Variants in SLC44A3 observed in about 807,000 individuals in gnomAD.
The protein encoded by SLC44A3 is solute carrier family 44 member 3, also known as choline transporter-like protein 3.
SLC44A3 carries 74 observed loss-of-function variants against 75.4 expected under a neutral mutation model. That is an observed-to-expected ratio of 0.98 (90% confidence interval 0.81 to 1.19). SLC44A3 has a LOEUF of 1.19. Among genes scored for constraint, SLC44A3 ranks in the 50% most tolerant of loss-of-function variants. SLC44A3 has a pLI of 0.00. For missense variants in SLC44A3, 700 were observed against 778.6 expected (o/e 0.90, Z 1.20); for synonymous variants, 310 against 296.9 (o/e 1.04, Z -0.45).
intron 10 of SLC44A3, among the ~76,000 whole-genome samples, chr1:94,864,174 T>G (rs148770252): frequency 1.3e-5 from 2 of 152,290 alleles, no homozygotes; most frequent in African/African-American, 4.8e-5. Context: ...CCGTAAATGA[T>G]TCACACTGAA....
chr1:94,837,802 C>T lies in SLC44A3; in HGVS notation c.601C>T (p.Leu201Phe), dbSNP rs1663025372. Residue 201 changes from leucine (L) to phenylalanine (F), a missense_variant, in exon 6 of 15, where the codon CTC becomes TTC. By Grantham distance (22) the Leu-to-Phe change is conservative. Transcript: ENST00000271227. ...TGTTTTGATAAATGATGTTGACACC[C>T]TCCACCGAATTCTAAGTGGAATCAT... ...ASVLINDVDT[L>F]HRILSGIMSG... 1 of 1,613,004 alleles carries T rather than the reference C, an allele frequency of 6.2e-7. No homozygotes were observed.
chr1:94,857,549 T>C (rs755045146), intron 10 of SLC44A3, 49 bp downstream of exon 10: 30 of 1,506,148 alleles, frequency 2.0e-5, no homozygotes, highest in Non-Finnish European at 2.6e-5. Flanking sequence ...GGTTTATCTA[T>C]GTGCTTCATG....
chr1:94,881,853 A>G (rs1046996709), intron 12 of SLC44A3, among the ~76,000 whole-genome samples: 3 of 75,990 alleles, frequency 3.9e-5, no homozygotes, highest in Non-Finnish European at 5.1e-5. Context: ...TCTACTAAAA[A>G]TACAAAAAAA....
intron 14 of SLC44A3, 65 bp from the exon 15 acceptor site, chr1:94,894,753 C>T (rs12030683): frequency 0.13 from 178,328 of 1,353,658 alleles, 12,620 homozygotes; most frequent in African/African-American, 0.23. Context: ...AGTTTTCCCT[C>T]GGCCCCTACG....
intron 12 of SLC44A3, among the ~76,000 whole-genome samples, chr1:94,881,102 C>T (rs1203148076): frequency 6.6e-6 from 1 of 152,098 alleles, no homozygotes; most frequent in Non-Finnish European, 1.5e-5. Flanking sequence ...AAATTATAAA[C>T]GTTTTTCACT....
chr1:94,887,927 G>GT (rs1669772939), intron 12 of SLC44A3, among the ~76,000 whole-genome samples: 1 of 152,206 alleles, frequency 6.6e-6, no homozygotes, highest in Non-Finnish European at 1.5e-5. Flanking sequence ...ACCTCCTCAG[G>GT]TGCTTAAAGA....
Position 94,891,151 on chromosome 1 carries a change from A to G in SLC44A3, c.1504A>G (p.Ile502Val), listed in dbSNP as rs2101680645. Reference sequence around the variant, plus strand: ...TCAGAATGCATATACTACAACTGCTATTAATGGGACAGATTTCTGTACATC... The same window carrying G: ...TCAGAATGCATATACTACAACTGCTGTTAATGGGACAGATTTCTGTACATC... ...LNQNAYTTTA[I>V]NGTDFCTSAK... Residue 502 changes from isoleucine (I) to valine (V), a missense_variant, in exon 13 of 15, where the codon ATT becomes GTT. Physicochemically the swap from Ile to Val is conservative, Grantham distance 29 (BLOSUM62 3). Transcript: ENST00000271227. 1.2e-6 allele frequency: 2 copies of G among 1,610,234 alleles called. No homozygotes were observed. Among genetic ancestry groups the G allele is most frequent in the East Asian group, 2.2e-5 (1 of 44,750 alleles).
At chr1:94,894,522 A>G (rs1670564865) in intron 14 of SLC44A3, among the ~76,000 whole-genome samples, 1 of 152,184 alleles carries the variant, frequency 6.6e-6, no homozygotes, top group Non-Finnish European at 1.5e-5. Context: ...GTTCCCAGCC[A>G]CTAAGTGTTC....
At chr1:94,873,588 C>T (rs571853962) in intron 12 of SLC44A3, among the ~76,000 whole-genome samples, 3 of 152,134 alleles carry the variant, frequency 2.0e-5, no homozygotes, top group South Asian at 2.1e-4. Flanking sequence ...TAAGCCTTTG[C>T]GGCAGACTCA....
intron 8 of SLC44A3, among the ~76,000 whole-genome samples, 160 bp downstream of exon 8, chr1:94,842,284 C>T (rs1433711450): frequency 6.6e-6 from 1 of 152,178 alleles, no homozygotes; most frequent in East Asian, 1.9e-4. Context: ...ATTCAAAACT[C>T]TTCAAAAATA....
chr1:94,861,836 G>A (rs780389016), intron 10 of SLC44A3, among the ~76,000 whole-genome samples: 1 of 152,204 alleles, frequency 6.6e-6, no homozygotes, highest in Non-Finnish European at 1.5e-5. Flanking sequence ...CTTGAAGAAG[G>A]ATCAACTGAG....
chr1:94,872,422 TA>T (rs200147585), intron 12 of SLC44A3, among the ~76,000 whole-genome samples: 8 of 151,984 alleles, frequency 5.3e-5, no homozygotes, highest in Non-Finnish European at 5.9e-5. Context: ...TTTTTTTTTT[TA>T]AATCACTTTA....
chr1:94,893,809 T>C (rs542249139), intron 14 of SLC44A3, among the ~76,000 whole-genome samples: 1 of 152,260 alleles, frequency 6.6e-6, no homozygotes, highest in South Asian at 2.1e-4. Context: ...AAATCCACCT[T>C]GAAATCCGGG....
intron 12 of SLC44A3, among the ~76,000 whole-genome samples, chr1:94,883,144 G>A (rs1184170880): frequency 6.6e-6 from 1 of 151,636 alleles, no homozygotes; most frequent in African/African-American, 2.4e-5. Context: ...TGTGAATGCA[G>A]TGGCCCACAG....
At position 94,837,716 on chromosome 1, in the gene SLC44A3, C is replaced by G; in HGVS notation, c.515C>G (p.Ser172Ter). 6.4e-7 allele frequency: 1 copy of G among 1,565,460 alleles called. No homozygotes were observed. Among genetic ancestry groups the G allele is most frequent in the African/African-American group, 1.4e-5 (1 of 72,644 alleles). The change falls in exon 6 of 15, where the codon TCA (serine) becomes TGA (stop). Residue 172 changes from serine (S) to a stop codon, truncating the protein, a stop_gained. Coordinates refer to ENST00000271227, the MANE Select transcript of SLC44A3 (RefSeq NM_001114106.3). LOFTEE classifies it high-confidence loss of function. The stretch of plus-strand genomic sequence containing the variant: ...CTTTTTTTCTCTATTTTTAGCAAGT[C>G]ATTTCCCTTATTTAACCGATGTGTC... ...CPRLPVPPSK[S>*]FPLFNRCVPQ...
At chr1:94,839,910 T>C (rs756966225) in intron 6 of SLC44A3, 38 bp from the exon 7 acceptor site, 6 of 1,462,040 alleles carry the variant, frequency 4.1e-6, no homozygotes, top group African/African-American at 2.8e-5. Context: ...CTATCCTTTG[T>C]TGCTATTGAG....
intron 9 of SLC44A3, among the ~76,000 whole-genome samples, chr1:94,846,014 G>A (rs1378240460): frequency 2.0e-5 from 3 of 152,092 alleles, no homozygotes; most frequent in African/African-American, 4.8e-5. Flanking sequence ...GGGCGTGGTG[G>A]CGTGCACCTG....
intron 7 of SLC44A3, among the ~76,000 whole-genome samples, chr1:94,840,400 CT>C (rs1663457650): frequency 6.6e-6 from 1 of 151,716 alleles, no homozygotes; most frequent in Non-Finnish European, 1.5e-5. Context: ...AGCGATCCCC[CT>C]GTCTCAGCCC....
chr1:94,863,359 C>T (rs1666804247), intron 10 of SLC44A3, among the ~76,000 whole-genome samples: 1 of 152,160 alleles, frequency 6.6e-6, no homozygotes, highest in South Asian at 2.1e-4. Flanking sequence ...TAACCCCAAA[C>T]TCTAATACCT....
Sources: allele counts gnomAD v4.1 joint callset (sites outside exome capture counted in the v4.1 genomes callset), GRCh38; gene constraint gnomAD v4.1.1; transcripts MANE v1.5; gene names NCBI Gene and HGNC (gene_info 2026-07-23, HGNC 2026-07-21).